The following ANKRD42 variants were observed in gnomAD, a reference collection of about 807,000 sequenced individuals.
ANKRD42 encodes the protein ankyrin repeat domain 42.
ANKRD42 carries 43 observed loss-of-function variants against 51.5 expected under a neutral mutation model. The observed-to-expected ratio is 0.83, with a 90% CI of 0.65 to 1.08. The LOEUF is 1.08. Among genes scored for constraint, ANKRD42 ranks in the 50% least tolerant of loss-of-function variants. The pLI is 0.00. For missense variants in ANKRD42, 608 were observed against 629.3 expected (o/e 0.97, Z 0.36); for synonymous variants, 203 against 213.0 (o/e 0.95, Z 0.41).
At chr11:83,244,543 T>C (rs1338186690) in intron 9 of ANKRD42, among the ~76,000 whole-genome samples, 2 of 152,198 alleles carry the variant, frequency 1.3e-5, no homozygotes, top group South Asian at 2.1e-4. Flanking sequence ...CTTTTCTGTG[T>C]GCACTGTGAG....
At chr11:83,234,764 T>C (rs903533118) in intron 7 of ANKRD42, among the ~76,000 whole-genome samples, 3 of 152,220 alleles carry the variant, frequency 2.0e-5, no homozygotes, top group African/African-American at 7.2e-5. Context: ...AATAGAGGTC[T>C]GAGAAATCCT....
chr11:83,195,845 CT>C (rs573093104), intron 1 of ANKRD42, among the ~76,000 whole-genome samples: 267 of 138,420 alleles, frequency 1.9e-3, no homozygotes, highest in African/African-American at 3.1e-3. Flanking sequence ...CTCTCTCTCT[CT>C]TTTTTTTTTT....
chr11:83,237,857 C>T (rs1237242899), intron 8 of ANKRD42, among the ~76,000 whole-genome samples: 3 of 152,194 alleles, frequency 2.0e-5, no homozygotes, highest in East Asian at 3.8e-4. Flanking sequence ...GTCAAAGTCT[C>T]CTGCCACTTT....
downstream of ANKRD42, chr11:83,260,135 G>A (rs1462490038): frequency 6.6e-6 from 1 of 152,162 alleles, no homozygotes; most frequent in Admixed American, 6.5e-5. Context: ...TATGCTACTG[G>A]AGCTTCCTTC....
intron 2 of ANKRD42, among the ~76,000 whole-genome samples, chr11:83,201,175 G>A (rs1405736734): frequency 6.6e-6 from 1 of 152,016 alleles, no homozygotes; most frequent in Non-Finnish European, 1.5e-5. Flanking sequence ...ACAGGCCCCA[G>A]TGTGTGATGT....
chr11:83,245,393 A>G lies in ANKRD42; in HGVS notation c.1196-105A>G, dbSNP rs535719033. On this transcript the variant is annotated intron_variant, in intron 9 of 10. Coordinates refer to ENST00000533342, the MANE Select transcript of ANKRD42 (RefSeq NM_001300975.2). The stretch of plus-strand genomic sequence containing the variant: ...TCCTCCACCCCCCTCTCCAAACCAT[A>G]CAGACACTAGTCTAGAGGAAGAATA... 7 of 1,254,396 alleles carry G rather than the reference A, an allele frequency of 5.6e-6. No individual in the cohort carries two copies. In the South Asian group the frequency reaches 7.9e-5, roughly 14 times the overall value. 77.7% of individuals were successfully genotyped at this position (1,254,396 alleles called of 1,614,324 possible).
Position 83,210,307 on chromosome 11 carries a change from T to A in ANKRD42, c.338T>A (p.Ile113Lys). 2 of 1,613,622 alleles carry A rather than the reference T, an allele frequency of 1.2e-6. No individual in the cohort carries two copies. Among genetic ancestry groups the A allele is most frequent in the Non-Finnish European group, 1.7e-6 (2 of 1,179,586 alleles). The change falls in exon 4 of 11, where the codon ATA becomes AAA. Residue 113 changes from isoleucine (I) to lysine (K), a missense_variant. Ile to Lys is a moderately radical substitution (Grantham distance 102). Transcript: ENST00000533342. ...RGQDACVQAL[I>K]MNGANLTAQD... ...CTATTTCTCTATTTTTAGGCTCTTA[T>A]AATGAATGGAGCAAATCTGACAGCC...
At chr11:83,205,692 T>A (rs1862044920) in intron 2 of ANKRD42, among the ~76,000 whole-genome samples, 1 of 152,240 alleles carries the variant, frequency 6.6e-6, no homozygotes, top group African/African-American at 2.4e-5. Flanking sequence ...ACTGGCAGCC[T>A]TTGAGTGAAT....
chr11:83,210,326 G>A lies in ANKRD42; in HGVS notation c.357G>A (p.Leu119=). ...VQALIMNGAN[L]TAQDDRGCTP... ...CTCTTATAATGAATGGAGCAAATCT[G>A]ACAGCCCAGGATGACCGGGGATGCA... Residue 119 remains leucine, a synonymous_variant, in exon 4 of 11, where the codon CTG becomes CTA. Coordinates refer to ENST00000533342, the MANE Select transcript of ANKRD42 (RefSeq NM_001300975.2). 1.2e-6 allele frequency: 2 copies of A among 1,613,834 alleles called. No individual in the cohort carries two copies. The highest frequency in any genetic ancestry group is 1.7e-4 in the Middle Eastern group (1 of 6,058).
intron 5 of ANKRD42, chr11:83,213,384 C>A: frequency 4.5e-6 from 7 of 1,572,146 alleles, no homozygotes; most frequent in Non-Finnish European, 6.0e-6. Flanking sequence ...CGCCAGGCTG[C>A]GCAGTGAAGA....
chr11:83,198,178 T>C (rs2135475727), intron 1 of ANKRD42, among the ~76,000 whole-genome samples: 1 of 152,324 alleles, frequency 6.6e-6, no homozygotes, highest in South Asian at 2.1e-4. Flanking sequence ...TCTGTATTTG[T>C]CTCTCCAGAT....
chr11:83,211,264 G>T, intron 4 of ANKRD42, 31 bp from the exon 5 acceptor site: 1 of 1,613,322 alleles, frequency 6.2e-7, no homozygotes, highest in East Asian at 2.2e-5. Flanking sequence ...AAAATGGGGA[G>T]AAACTAAGTC....
At chr11:83,244,869 C>A (rs55854426) in intron 9 of ANKRD42, among the ~76,000 whole-genome samples, 3 of 151,996 alleles carry the variant, frequency 2.0e-5, no homozygotes, top group African/African-American at 7.3e-5. Flanking sequence ...GTAGATTGCA[C>A]GTGGTCCTGT....
At chr11:83,228,231 C>CT (rs11403803) in intron 7 of ANKRD42, among the ~76,000 whole-genome samples, 1,517 of 58,920 alleles carry the variant, frequency 0.026, 283 homozygotes, top group East Asian at 0.04. Context: ...CTCTCTCTCT[C>CT]TTTTTTTTTT....
chr11:83,250,371 A>G (rs779235391), downstream of ANKRD42, among the ~76,000 whole-genome samples: 16 of 152,158 alleles, frequency 1.1e-4, no homozygotes, highest in Non-Finnish European at 1.9e-4. Context: ...ACTTTCTCAG[A>G]TATTATCTCA....
In ANKRD42 at chr11:83,209,882, A is replaced by G. The variant is rs1292057649; in HGVS notation, c.331-418A>G. ...GCTGAATATGACCCCAGAAGCCACG[A>G]TGTTGTCTGTATCCAGAATACACTT... On this transcript the variant is annotated intron_variant, in intron 3 of 10. Coordinates refer to ENST00000533342, the MANE Select transcript of ANKRD42 (RefSeq NM_001300975.2). The G allele has an allele frequency of 1.3e-5, 6 of 454,304 alleles. No homozygotes were observed. The East Asian group carries it at 1.3e-4, about 10-fold the overall frequency. The allele number at this position is 454,304 out of a possible 1,614,324, so 28.1% of individuals were successfully genotyped here.
intron 7 of ANKRD42, among the ~76,000 whole-genome samples, chr11:83,229,513 T>A (rs1157213475): frequency 2.0e-5 from 3 of 152,164 alleles, no homozygotes; most frequent in Admixed American, 2.0e-4. Context: ...TCATAGTACA[T>A]CTTTGTGGGG....
chr11:83,198,379 A>G lies in ANKRD42; in HGVS notation c.59-100A>G, dbSNP rs113539504. On this transcript the variant is annotated intron_variant, in intron 1 of 10. Transcript: ENST00000533342. ...CATCTTTGTAGTAAATTATTTGGAA[A>G]GCCAAAGTAATTTTGTGCTTTCTGT... The G allele has an allele frequency of 5.9e-4, 700 of 1,194,086 alleles. 3 individuals are homozygous for G. In the African/African-American group the frequency reaches 9.8e-3, roughly 17 times the overall value. The allele number at this position is 1,194,086 out of a possible 1,614,324, so 74.0% of individuals were successfully genotyped here. A position where few individuals can be genotyped will look rare whatever the true frequency, so the allele number is the denominator to read the frequency against.
At chr11:83,224,719 G>A in intron 5 of ANKRD42, 136 bp from the exon 6 acceptor site, 1 of 584,234 alleles carries the variant, frequency 1.7e-6, no homozygotes, top group East Asian at 3.5e-5. Context: ...AGGAGTTGGA[G>A]GCTATAATGA....
Sources: gnomAD v4.1 joint callset for allele counts (sites outside exome capture counted in the v4.1 genomes callset) on GRCh38, gnomAD v4.1.1 for gene constraint, MANE v1.5 for transcripts, NCBI Gene and HGNC (gene_info 2026-07-23, HGNC 2026-07-21) for gene names.